GRHL2: variants seen among roughly 807,000 people sequenced by gnomAD.
GRHL2 encodes grainyhead-like protein 2 homolog.
Under a neutral mutation model 83.8 loss-of-function variants are expected in GRHL2, and 21 were observed. The observed-to-expected ratio is 0.25, with a 90% confidence interval of 0.18 to 0.36. The LOEUF is 0.36. Among genes scored for constraint, GRHL2 ranks in the 10% least tolerant of loss-of-function variants. The pLI is 1.00. For missense variants in GRHL2, 623 were observed against 781.8 expected (o/e 0.80, Z 2.42); for synonymous variants, 280 against 278.9 (o/e 1.00, Z -0.04).
At chr8:101,616,029 TTTTC>T (rs1019210182) in intron 8 of GRHL2, among the ~76,000 whole-genome samples, 6 of 151,776 alleles carry the variant, frequency 4.0e-5, no homozygotes, top group South Asian at 2.1e-4. Context: ...TCTTTCTATC[TTTTC>T]TTTCTTTCTT....
chr8:101,543,844 A>G, intron 2 of GRHL2: 1 of 228,232 alleles, frequency 4.4e-6, no homozygotes. Flanking sequence ...ACTGAGAAGA[A>G]AAAGCGGTTT....
chr8:101,663,839 G>T (rs1415700659), intron 14 of GRHL2, among the ~76,000 whole-genome samples: 1 of 150,692 alleles, frequency 6.6e-6, no homozygotes, highest in Non-Finnish European at 1.5e-5. Flanking sequence ...AAGGAAGTTA[G>T]TTCCATGTCT....
chr8:101,595,053 C>T (rs1812363891), intron 7 of GRHL2, among the ~76,000 whole-genome samples: 1 of 152,156 alleles, frequency 6.6e-6, no homozygotes, highest in Non-Finnish European at 1.5e-5. Flanking sequence ...TATCTATATA[C>T]TTATTTATAT....
intron 1 of GRHL2, among the ~76,000 whole-genome samples, chr8:101,534,979 C>G (rs1811013351): frequency 6.6e-6 from 1 of 152,200 alleles, no homozygotes; most frequent in African/African-American, 2.4e-5. Context: ...GTCTAGTGCT[C>G]TGCCAGGTAC....
At chr8:101,590,639 C>T (rs186445523) in intron 7 of GRHL2, among the ~76,000 whole-genome samples, 23 of 152,210 alleles carry the variant, frequency 1.5e-4, no homozygotes, top group South Asian at 8.3e-4. Flanking sequence ...GGAAGAGGGA[C>T]GGAAAATTAA....
chr8:101,599,586 G>A (rs2130312721), intron 8 of GRHL2, among the ~76,000 whole-genome samples: 1 of 152,354 alleles, frequency 6.6e-6, no homozygotes, highest in South Asian at 2.1e-4. Context: ...TGGAATACAG[G>A]AAGCAGGCTG....
chr8:101,582,228 A>G (rs1157593924), intron 7 of GRHL2, among the ~76,000 whole-genome samples: 2 of 85,660 alleles, frequency 2.3e-5, no homozygotes, highest in African/African-American at 8.8e-5. Context: ...ACAGAGCAAG[A>G]CTCCGTCTCA....
At chr8:101,654,669 G>A (rs762174985) in intron 14 of GRHL2, among the ~76,000 whole-genome samples, 60 of 152,172 alleles carry the variant, frequency 3.9e-4, no homozygotes, top group Non-Finnish European at 7.2e-4. Flanking sequence ...CCTTCCTTCC[G>A]AGCAACTTAG....
chr8:101,632,416 G>A (rs1813204392), intron 11 of GRHL2, 51 bp downstream of exon 11: 1 of 1,608,798 alleles, frequency 6.2e-7, no homozygotes, highest in Non-Finnish European at 8.5e-7. Context: ...AGGGCAAGTA[G>A]GGCTTTAAGA....
chr8:101,541,701 A>G (rs1289115410), intron 1 of GRHL2, among the ~76,000 whole-genome samples: 1 of 152,052 alleles, frequency 6.6e-6, no homozygotes, highest in Non-Finnish European at 1.5e-5. Context: ...GGGCTAGGAG[A>G]GAAGTGACCA....
chr8:101,612,516 G>GATACATAC (rs1176645578), intron 8 of GRHL2, among the ~76,000 whole-genome samples: 2,275 of 79,594 alleles, frequency 0.029, 42 homozygotes, highest in Non-Finnish European at 0.042. Context: ...TAGATAGATA[G>GATACATAC]ATAGATACAT....
chr8:101,642,053 T>A (rs1471906892), intron 12 of GRHL2, among the ~76,000 whole-genome samples: 2 of 152,192 alleles, frequency 1.3e-5, no homozygotes, highest in African/African-American at 4.8e-5. Context: ...GCTATGGTTG[T>A]GAAACCCACA....
chr8:101,617,639 G>A (rs191373413), intron 8 of GRHL2, among the ~76,000 whole-genome samples: 3 of 152,186 alleles, frequency 2.0e-5, no homozygotes, highest in African/African-American at 7.2e-5. Flanking sequence ...CAAGTAGCTG[G>A]GACTACAGGG....
intron 13 of GRHL2, 88 bp downstream of exon 13, chr8:101,644,313 C>T (rs1813465721): frequency 3.9e-6 from 4 of 1,027,070 alleles, no homozygotes; most frequent in Non-Finnish European, 6.0e-6. Context: ...CCCAGGCCCC[C>T]ATGGCTCTGT....
chr8:101,671,705 G>A (rs370367866), downstream of GRHL2, among the ~76,000 whole-genome samples: 14 of 152,202 alleles, frequency 9.2e-5, no homozygotes, highest in East Asian at 1.9e-4. Context: ...CTCCCAGCAC[G>A]CAGCTGGAGA....
At chr8:101,542,677 C>A in intron 1 of GRHL2, 1 of 451,214 alleles carries the variant, frequency 2.2e-6, no homozygotes, top group Non-Finnish European at 4.5e-6. Context: ...AACAGAATAC[C>A]TGACCCTGGG....
Position 101,509,650 on chromosome 8 carries a change from T to A in GRHL2, c.20+16861T>A, listed in dbSNP as rs113872418. 7.7e-3 allele frequency among the ~76,000 whole-genome samples: 1,169 copies of A among 152,206 alleles called. 10 individuals carry two copies. Among genetic ancestry groups the A allele is most frequent in the African/African-American group, 0.027 (1,104 of 41,522 alleles). On this transcript the variant is annotated intron_variant, in intron 1 of 15. Coordinates refer to ENST00000646743, the MANE Select transcript of GRHL2 (RefSeq NM_024915.4). ...GTTAGCCTTTTAGATATATATATAT[T>A]TTTTCCTCTACAAATCTTGCAGAGA...
At chr8:101,649,357 C>A in intron 13 of GRHL2, 57 bp from the exon 14 acceptor site, 1 of 1,348,272 alleles carries the variant, frequency 7.4e-7, no homozygotes, top group Non-Finnish European at 1.1e-6. Context: ...TCCCCTGGAG[C>A]AGCTGTGGAA....
Position 101,552,790 on chromosome 8 carries a change from A to G in GRHL2, c.284+8A>G, listed in dbSNP as rs763098452. 3.1e-6 allele frequency: 5 copies of G among 1,612,708 alleles called. No homozygotes were observed. The highest frequency in any genetic ancestry group is 2.5e-6 in the Non-Finnish European group (3 of 1,179,052). ...AGAAGACCAGGAGAAAAGGTAAAGG[A>G]ATTTGCCTGGCCCCCAGAATAACTC... On this transcript the variant is annotated splice_region_variant and intron_variant, in intron 3 of 15. Transcript: ENST00000646743.
Sources: allele counts gnomAD v4.1 joint callset (sites outside exome capture counted in the v4.1 genomes callset), GRCh38; gene constraint gnomAD v4.1.1; transcripts MANE v1.5; gene names NCBI Gene and HGNC (gene_info 2026-07-23, HGNC 2026-07-21).